HTR4: variants seen among roughly 807,000 people sequenced by gnomAD.
HTR4 encodes the protein 5-hydroxytryptamine (serotonin) receptor 4, G protein-coupled.
A neutral mutation model predicts 36.8 loss-of-function variants in HTR4; 16 were observed. The ratio of observed to expected loss-of-function variants is 0.43; its 90% confidence interval spans 0.29 to 0.66. HTR4 has a LOEUF of 0.66. Ranked by LOEUF, HTR4 falls within the 30% of genes least tolerant of loss-of-function variation. HTR4 has a pLI of 0.13. For synonymous variants in HTR4, 189 were observed against 185.1 expected (o/e 1.02, Z -0.17); for missense variants, 438 against 490.9 (o/e 0.89, Z 1.02).
intron 1 of HTR4, among the ~76,000 whole-genome samples, chr5:148,642,316 A>G (rs1368594751): frequency 6.6e-6 from 1 of 152,186 alleles, no homozygotes; most frequent in East Asian, 1.9e-4. Flanking sequence ...AAGCAAGTCT[A>G]TTCACTATTC....
At chr5:148,508,910 C>T (rs1381783198) in intron 6 of HTR4, among the ~76,000 whole-genome samples, 1 of 151,854 alleles carries the variant, frequency 6.6e-6, no homozygotes, top group Non-Finnish European at 1.5e-5. Flanking sequence ...TGAGAATTAA[C>T]ATTCTCATCT....
chr5:148,615,640 C>G (rs1324507421), intron 2 of HTR4, among the ~76,000 whole-genome samples: 1 of 149,590 alleles, frequency 6.7e-6, no homozygotes, highest in African/African-American at 2.5e-5. Context: ...TGTAACTAAC[C>G]TGCACAATGT....
intron 2 of HTR4, among the ~76,000 whole-genome samples, chr5:148,604,200 T>C (rs1006178778): frequency 4.6e-5 from 7 of 152,166 alleles, no homozygotes; most frequent in African/African-American, 1.7e-4. Flanking sequence ...TTGAAGAGCT[T>C]CTGTTAATCA....
chr5:148,479,547 T>C (rs940077961), downstream of HTR4, among the ~76,000 whole-genome samples: 3 of 152,168 alleles, frequency 2.0e-5, no homozygotes, highest in African/African-American at 7.2e-5. Context: ...AATTAAAAAA[T>C]CTATGTAGGC....
In HTR4 at chr5:148,512,177, G is replaced by C. The variant is rs796475590; in HGVS notation, c.508-2153C>G. Among the ~76,000 whole-genome samples the C allele has an allele frequency of 2.6e-5, 4 of 152,140 alleles. No individual in the cohort carries two copies. The East Asian group carries it at 7.7e-4, about 29-fold the overall frequency. ...GTATCTTCAGTTTCAATCTGAGTAA[G>C]TCACCTCAAACTCTCAGTGTGCCCT... On this transcript the variant is annotated intron_variant, in intron 5 of 6. Transcript: ENST00000377888.
At chr5:148,471,377 C>T (rs1428745750) in intron 5 of HTR4, among the ~76,000 whole-genome samples, 6 of 152,060 alleles carry the variant, frequency 3.9e-5, no homozygotes, top group African/African-American at 1.4e-4. Flanking sequence ...TCAATCATTC[C>T]CCAATATCTC....
At chr5:148,490,986 C>T (rs996816040) in intron 6 of HTR4, 7 of 360,352 alleles carry the variant, frequency 1.9e-5, no homozygotes, top group Non-Finnish European at 3.2e-5. Context: ...TGAACATACT[C>T]CGGCTTGTCA....
intron 2 of HTR4, among the ~76,000 whole-genome samples, chr5:148,622,748 G>A (rs866050612): frequency 6.6e-6 from 1 of 152,144 alleles, no homozygotes; most frequent in Non-Finnish European, 1.5e-5. Flanking sequence ...AGATAACAAT[G>A]TATGTGAAAG....
chr5:148,507,201 A>T (rs899404872), intron 6 of HTR4, among the ~76,000 whole-genome samples: 5 of 151,836 alleles, frequency 3.3e-5, no homozygotes, highest in African/African-American at 1.2e-4. Context: ...GCCATAAAAA[A>T]GGATGAGTTC....
intron 4 of HTR4, among the ~76,000 whole-genome samples, chr5:148,524,695 C>T (rs1267693063): frequency 6.6e-6 from 1 of 152,120 alleles, no homozygotes; most frequent in South Asian, 2.1e-4. Flanking sequence ...GCAAAAAGAG[C>T]CTGGAGGCTG....
Position 148,509,787 on chromosome 5 carries a change from G to A in HTR4, c.745C>T (p.His249Tyr), listed in dbSNP as rs1757406780. 1 of 1,614,012 alleles carries A rather than the reference G, an allele frequency of 6.2e-7. No individual in the cohort carries two copies. The highest frequency in any genetic ancestry group is 1.1e-5 in the South Asian group (1 of 91,072). The change falls in exon 6 of 7, where the codon CAT (histidine) becomes TAT (tyrosine). Residue 249 changes from histidine (H) to tyrosine (Y), a missense_variant. Physicochemically the swap from His to Tyr is moderately conservative, Grantham distance 83 (BLOSUM62 2). Transcript: ENST00000377888. ...RPQSADQHST[H>Y]RMRTETKAAK... Reference sequence around the variant, plus strand: ...GCTTTGGTCTCTGTCCTCATGCGATGAGTGCTATGCTGGTCTGCCGACTGA... The same window carrying A: ...GCTTTGGTCTCTGTCCTCATGCGATAAGTGCTATGCTGGTCTGCCGACTGA...
chr5:148,625,858 T>C (rs935755168), intron 2 of HTR4, among the ~76,000 whole-genome samples: 2 of 151,998 alleles, frequency 1.3e-5, no homozygotes, highest in African/African-American at 4.8e-5. Flanking sequence ...GGATTACAGG[T>C]GTGAGCCACC....
In HTR4 at chr5:148,483,232, AAGG is replaced by A. The variant is rs1275856015; in HGVS notation, c.1135_1137del (p.Pro379del). 1.9e-6 allele frequency: 3 copies of A among 1,613,920 alleles called. No individual in the cohort carries two copies. In the African/African-American group the frequency reaches 4.0e-5, roughly 22 times the overall value. Reference sequence around the variant, plus strand: ...GTGTCACTGGGCTGAGCAGCCACCAAAGGAGAAGTTGCTGGCGGGTGACACTGA... The same window carrying A: ...GTGTCACTGGGCTGAGCAGCCACCAAAGAAGTTGCTGGCGGGTGACACTGA... On this transcript the variant is annotated inframe_deletion, in exon 7 of 7. Transcript: ENST00000377888.
intron 2 of HTR4, among the ~76,000 whole-genome samples, chr5:148,585,542 C>T (rs542576681): frequency 1.7e-4 from 26 of 152,176 alleles, no homozygotes; most frequent in Non-Finnish European, 3.1e-4. Context: ...CCTGTTCTCA[C>T]GGGATTTATC....
downstream of HTR4, chr5:148,481,397 A>T: frequency 1.5e-6 from 1 of 647,966 alleles, no homozygotes; most frequent in Non-Finnish European, 2.6e-6. Flanking sequence ...GGAGAATCCC[A>T]GTCTACACAA....
rs3957780 is a variant in HTR4 at position 148,458,137 on chromosome 5, A to C, written c.1077-6865T>G. On this transcript the variant is annotated intron_variant, in intron 5 of 5. Coordinates refer to the HTR4 transcript ENST00000521530. ...TAGATCTTAAAATATAATATATTTT[A>C]ATATCTATTTAATATATCATTAAAA... Among the ~76,000 whole-genome samples, 1,110 of 141,446 alleles carry C rather than the reference A, an allele frequency of 7.8e-3. 16 individuals are homozygous for C. The highest frequency in any genetic ancestry group is 0.027 in the African/African-American group (1,057 of 39,092). 92.8% of individuals were successfully genotyped at this position (141,446 alleles called of 152,430 possible). A position where few individuals can be genotyped will look rare whatever the true frequency, so the allele number is the denominator to read the frequency against.
rs201442133 is a variant in HTR4, at chr5:148,481,717, T to G, written c.*1486A>C. ...TATGATAAATAATCCTGAGATGCTA[T>G]TAAACCACAGCCAAGATCAAAGTCA... On this transcript the variant is annotated 3_prime_UTR_variant, in exon 7 of 7. Coordinates refer to ENST00000377888, the MANE Select transcript of HTR4 (RefSeq NM_000870.7). 407 of 1,443,776 alleles carry G rather than the reference T, an allele frequency of 2.8e-4. 1 individual carries two copies. Among genetic ancestry groups the G allele is most frequent in the Non-Finnish European group, 3.6e-4 (394 of 1,109,668 alleles). 89.4% of individuals were successfully genotyped at this position (1,443,776 alleles called of 1,614,324 possible).
At chr5:148,652,792 G>A (rs1204526242) in intron 1 of HTR4, among the ~76,000 whole-genome samples, 4 of 152,246 alleles carry the variant, frequency 2.6e-5, no homozygotes, top group South Asian at 2.1e-4. Flanking sequence ...TGATGCAAAC[G>A]TAAGAGAGAT....
intron 1 of HTR4, among the ~76,000 whole-genome samples, chr5:148,641,958 T>C (rs1753741570): frequency 1.3e-5 from 2 of 152,216 alleles, no homozygotes; most frequent in South Asian, 4.1e-4. Context: ...CGATGTAGTC[T>C]GGTACAGTGC....
Sources: allele counts gnomAD v4.1 joint callset (sites outside exome capture counted in the v4.1 genomes callset), GRCh38; gene constraint gnomAD v4.1.1; transcripts MANE v1.5; gene names NCBI Gene and HGNC (gene_info 2026-07-23, HGNC 2026-07-21).